Variants in CNBD1 observed in about 807,000 individuals in gnomAD.
The protein encoded by CNBD1 is cyclic nucleotide-binding domain-containing protein 1.
Under a neutral mutation model 54.4 loss-of-function variants are expected in CNBD1, and 71 were observed. That is an observed-to-expected ratio of 1.30 (90% CI 1.08 to 1.59). The LOEUF (loss-of-function observed/expected upper bound fraction) is 1.59. Ranked by LOEUF, CNBD1 falls within the 40% of genes most tolerant of loss-of-function variation. The pLI, the probability that CNBD1 is intolerant of heterozygous loss-of-function variation, is 0.00. For missense variants in CNBD1, 659 were observed against 518.0 expected, an observed-to-expected ratio of 1.27 and a Z score of -2.64; for synonymous variants, 182 against 170.7, an observed-to-expected ratio of 1.07 and a Z score of -0.51.
rs373070893 is a variant in CNBD1, at chr8:86,998,709, AG to A, written c.431+58956del. On this transcript the variant is annotated intron_variant, in intron 4 of 10. Transcript: ENST00000518476. ...GCCCCATGTTTGATTTTAAATTTAT[AG>A]CACTCTACATCTTTTGAATGATTTG... is the stretch of plus-strand genomic sequence containing the variant. Among the ~76,000 whole-genome samples the A allele has an allele frequency of 2.9e-3, 439 of 152,344 alleles. 4 individuals carry two copies. Among genetic ancestry groups the A allele is most frequent in the African/African-American group, 0.01 (424 of 41,582 alleles).
At chr8:87,355,688 G>A (rs75028671) in intron 10 of CNBD1, among the ~76,000 whole-genome samples, 1 of 152,074 alleles carries the variant, frequency 6.6e-6, no homozygotes, top group Admixed American at 6.6e-5. Context: ...ATGGGTGAGA[G>A]GTATGCTTCA....
rs561870427 is a variant in CNBD1 at position 87,347,782 on chromosome 8, AG to A, written c.1043-3899del. On this transcript the variant is annotated intron_variant, in intron 8 of 10. Coordinates refer to ENST00000518476, the MANE Select transcript of CNBD1 (RefSeq NM_173538.3). ...ATTTGTCTTACATTGCCTGCTGAGA[AG>A]GGGAGAAAGGGGTAAATGTGGGAGC... 4.3e-3 allele frequency among the ~76,000 whole-genome samples: 656 copies of A among 152,258 alleles called. 7 individuals carry two copies. Among genetic ancestry groups the A allele is most frequent in the African/African-American group, 0.015 (627 of 41,556 alleles).
At chr8:87,420,272 A>C (rs112479143) in intron 2 of CNBD1, among the ~76,000 whole-genome samples, 2,279 of 152,086 alleles carry the variant, frequency 0.015, 57 homozygotes, top group African/African-American at 0.049. Flanking sequence ...TCTTGAGGGC[A>C]TTCTTCTTTA....
At chr8:87,058,101 T>A (rs1453476782) in intron 4 of CNBD1, among the ~76,000 whole-genome samples, 5 of 151,782 alleles carry the variant, frequency 3.3e-5, no homozygotes, top group Non-Finnish European at 7.4e-5. Context: ...ACAAAAAGAC[T>A]AGAGGCCCCA....
chr8:87,102,849 C>T (rs934942915), intron 4 of CNBD1, among the ~76,000 whole-genome samples: 15 of 152,164 alleles, frequency 9.9e-5, no homozygotes, highest in African/African-American at 3.6e-4. Context: ...CTCCTGACTT[C>T]GTGATCCGCC....
chr8:87,241,358 C>T lies in CNBD1; in HGVS notation c.771+4246C>T, dbSNP rs564138476. 1.0e-4 allele frequency among the ~76,000 whole-genome samples: 15 copies of T among 144,318 alleles called. No individual in the cohort carries two copies. In the East Asian group the frequency reaches 3.1e-3, roughly 30 times the overall value. The allele number at this position is 144,318 out of a possible 152,430, so 94.7% of individuals were successfully genotyped here. Reference sequence around the variant, plus strand: ...CGATCTCGGCTCACTGCAAGCTCTGCCTCCCGGGTTCACGTCATTCTCCTG... The same window carrying T: ...CGATCTCGGCTCACTGCAAGCTCTGTCTCCCGGGTTCACGTCATTCTCCTG... On this transcript the variant is annotated intron_variant, in intron 6 of 10. Transcript: ENST00000518476.
rs1028512624 is a variant in CNBD1 at position 87,338,135 on chromosome 8, C to T, written c.1043-13550C>T. On this transcript the variant is annotated intron_variant, in intron 8 of 10. Transcript: ENST00000518476. ...AATCTGATTCTAATTTCAAATAATACTATACCACTTCACAGAAAGTGTGAG... is the reference window on the plus strand; with the variant it reads ...AATCTGATTCTAATTTCAAATAATATTATACCACTTCACAGAAAGTGTGAG... Among the ~76,000 whole-genome samples, 7 of 152,238 alleles carry T rather than the reference C, an allele frequency of 4.6e-5. No homozygotes were observed. The East Asian group carries it at 1.3e-3, about 29-fold the overall frequency.
intron 5 of CNBD1, among the ~76,000 whole-genome samples, chr8:87,227,233 C>T (rs1394717125): frequency 6.6e-6 from 1 of 150,788 alleles, no homozygotes; most frequent in East Asian, 2.0e-4. Context: ...GCATTTAGTC[C>T]ATTTACATTT....
chr8:86,956,794 C>G (rs938302877), intron 4 of CNBD1, among the ~76,000 whole-genome samples: 1 of 152,138 alleles, frequency 6.6e-6, no homozygotes, highest in Non-Finnish European at 1.5e-5. Flanking sequence ...ATTTGACTTC[C>G]TCTTTTCCTA....
rs1226147453 is a variant in CNBD1, at chr8:87,139,069, A to ATTCTTG, written c.432-66915_432-66910dup. ...TCTTTTGTCGTAATTTTTCATTCAA[A>ATTCTTG]TTCTTGTTCTTGTTGTGAAAGGATG... On this transcript the variant is annotated intron_variant, in intron 4 of 10. Coordinates refer to ENST00000518476, the MANE Select transcript of CNBD1 (RefSeq NM_173538.3). Among the ~76,000 whole-genome samples, 3 of 152,282 alleles carry ATTCTTG rather than the reference A, an allele frequency of 2.0e-5. No homozygotes were observed. The East Asian group carries it at 5.8e-4, about 29-fold the overall frequency.
In CNBD1 at chr8:87,160,263, A is replaced by G. The variant is rs139952603; in HGVS notation, c.432-45730A>G. ...TTTAAAAACTATATTTTTCTGAAAT[A>G]TGTTATAAAATATGTTAAAATATGT... On this transcript the variant is annotated intron_variant, in intron 4 of 10. Coordinates refer to ENST00000518476, the MANE Select transcript of CNBD1 (RefSeq NM_173538.3). 3.3e-3 allele frequency among the ~76,000 whole-genome samples: 500 copies of G among 152,098 alleles called. 3 individuals are homozygous for G. Among genetic ancestry groups the G allele is most frequent in the African/African-American group, 0.012 (486 of 41,558 alleles).
At chr8:87,213,438 T>C (rs918706888) in intron 5 of CNBD1, among the ~76,000 whole-genome samples, 3 of 152,108 alleles carry the variant, frequency 2.0e-5, no homozygotes, top group African/African-American at 7.2e-5. Context: ...CTCAAAATCA[T>C]GGTGGAGAGT....
chr8:87,135,251 G>A (rs948377949), intron 4 of CNBD1, among the ~76,000 whole-genome samples: 1 of 151,632 alleles, frequency 6.6e-6, no homozygotes, highest in Non-Finnish European at 1.5e-5. Flanking sequence ...AGATGGTAAT[G>A]AATATATATA....
At chr8:86,968,098 AT>A (rs1808132600) in intron 4 of CNBD1, among the ~76,000 whole-genome samples, 1 of 151,886 alleles carries the variant, frequency 6.6e-6, no homozygotes, top group Non-Finnish European at 1.5e-5. Flanking sequence ...GAAGTTGAGC[AT>A]TTGCCTTCCT....
chr8:86,964,272 T>G (rs1808013712), intron 4 of CNBD1, among the ~76,000 whole-genome samples: 2 of 152,284 alleles, frequency 1.3e-5, no homozygotes, highest in Admixed American at 1.3e-4. Flanking sequence ...CCATCCAATA[T>G]GCACACCTGT....
intron 6 of CNBD1, among the ~76,000 whole-genome samples, chr8:87,269,916 G>C (rs2130856983): frequency 6.6e-6 from 1 of 152,088 alleles, no homozygotes; most frequent in Admixed American, 6.6e-5. Context: ...TATGAAGCCA[G>C]CATCATTTTG....
intron 8 of CNBD1, among the ~76,000 whole-genome samples, chr8:87,327,774 A>G (rs954563781): frequency 2.0e-5 from 3 of 151,968 alleles, no homozygotes; most frequent in Non-Finnish European, 4.4e-5. Flanking sequence ...TGCGTCGCTC[A>G]CGCTGGGAGC....
chr8:87,410,301 T>C (rs1309670857), intron 2 of CNBD1, among the ~76,000 whole-genome samples: 1 of 152,148 alleles, frequency 6.6e-6, no homozygotes. Context: ...AAAAATACAT[T>C]TCATTAGGAT....
At chr8:87,076,069 T>G (rs1222608723) in intron 4 of CNBD1, among the ~76,000 whole-genome samples, 1 of 152,170 alleles carries the variant, frequency 6.6e-6, no homozygotes. Flanking sequence ...CAATTTCAAT[T>G]ATGTTTCTGA....
Sources: allele counts gnomAD v4.1 joint callset (sites outside exome capture counted in the v4.1 genomes callset), GRCh38; gene constraint gnomAD v4.1.1; transcripts MANE v1.5; gene names NCBI Gene and HGNC (gene_info 2026-07-23, HGNC 2026-07-21).